The following PTH1R variants were observed in gnomAD, a reference collection of about 807,000 sequenced individuals.
PTH1R encodes parathyroid hormone 1 receptor, also known as parathyroid hormone/parathyroid hormone-related peptide receptor.
PTH1R carries 32 observed loss-of-function variants against 70.7 expected under a neutral mutation model. The ratio of observed to expected loss-of-function variants is 0.45; its 90% CI spans 0.34 to 0.61. PTH1R has a LOEUF of 0.61. Among genes scored for constraint, PTH1R ranks in the 20% least tolerant of loss-of-function variants. PTH1R has a pLI of 0.01. For missense variants in PTH1R, 626 were observed against 792.5 expected (o/e 0.79, Z 2.52); for synonymous variants, 329 against 324.8 (o/e 1.01, Z -0.14).
rs1379381313 is a variant in PTH1R, at chr3:46,884,544, T to G, written c.75+910T>G. Among the ~76,000 whole-genome samples the G allele has an allele frequency of 6.6e-6, 1 of 152,162 alleles. No individual in the cohort carries two copies. Among genetic ancestry groups the G allele is most frequent in the African/African-American group, 2.4e-5 (1 of 41,430 alleles). On this transcript the variant is annotated intron_variant, in intron 3 of 15. Transcript: ENST00000449590. This position sits in a 1 kb window ranked among gnomAD's most constrained non-coding sequence, Gnocchi z 4.8. Reference sequence around the variant, plus strand: ...GGCTGTCCCAGCCCCTCAGTCCTATTCCACAGCAACCCCATCCCCTGGGAC... The same window carrying G: ...GGCTGTCCCAGCCCCTCAGTCCTATGCCACAGCAACCCCATCCCCTGGGAC...
intron 3 of PTH1R, among the ~76,000 whole-genome samples, chr3:46,885,689 C>T (rs895341120): frequency 6.6e-6 from 1 of 152,208 alleles, no homozygotes; most frequent in Non-Finnish European, 1.5e-5. Context: ...GTTCACTGGA[C>T]ACTCCCTGGC....
chr3:46,894,781 CA>C (rs1183492694), intron 4 of PTH1R, among the ~76,000 whole-genome samples: 4 of 152,134 alleles, frequency 2.6e-5, no homozygotes, highest in Admixed American at 2.6e-4. Flanking sequence ...ATGTAAGGAC[CA>C]GGGGGGCCTA....
Position 46,879,451 on chromosome 3 carries a change from C to T in PTH1R, c.-106+1608C>T, listed in dbSNP as rs1359359393. Among the ~76,000 whole-genome samples the T allele has an allele frequency of 1.3e-5, 2 of 152,146 alleles. No homozygotes were observed. Among genetic ancestry groups the T allele is most frequent in the Non-Finnish European group, 2.9e-5 (2 of 68,042 alleles). ...CATAAAACTTAGAGACACTTAGAAA[C>T]AGAGGCATAGGCCAGGTGCGGTGGT... On this transcript the variant is annotated intron_variant, in intron 1 of 15. Coordinates refer to ENST00000449590, the MANE Select transcript of PTH1R (RefSeq NM_000316.3). This position sits in a 1 kb window ranked among gnomAD's most constrained non-coding sequence, Gnocchi z 4.7.
rs757582347 is a variant in PTH1R, at chr3:46,902,486, G to C, written c.1212-40G>C. The C allele has an allele frequency of 3.1e-6, 5 of 1,604,626 alleles. No homozygotes were observed. Among genetic ancestry groups the C allele is most frequent in the Non-Finnish European group, 4.2e-6 (5 of 1,176,614 alleles). ...GGGTGGCACAATGCTTGTTGAAGGG[G>C]AAGTGGCTTGGCCCTGACCTACCTG... is the stretch of plus-strand genomic sequence containing the variant. On this transcript the variant is annotated intron_variant, in intron 13 of 15. Transcript: ENST00000449590. The surrounding 1 kb of genome is among the most constrained non-coding windows in gnomAD (Gnocchi z 5.4).
chr3:46,897,724 T>TC (rs2031833987), intron 5 of PTH1R, 131 bp from the exon 6 acceptor site: 1 of 863,996 alleles, frequency 1.2e-6, no homozygotes, highest in African/African-American at 1.7e-5. Flanking sequence ...AAAGCGAAAC[T>TC]CCGTCTCAAA....
chr3:46,898,467 C>T lies in PTH1R; in HGVS notation c.633C>T (p.Tyr211=). ...SLTVAVLILA[Y]FRRLHCTRNY... The stretch of plus-strand genomic sequence containing the variant: ...CCGTAGCTGTGCTCATCCTGGCCTA[C>T]TTTAGGTGGGCGGGGCGGGGCGAGA... Residue 211 remains tyrosine, a synonymous_variant, in exon 8 of 16, where the codon TAC becomes TAT. Coordinates refer to ENST00000449590, the MANE Select transcript of PTH1R (RefSeq NM_000316.3). 1.2e-6 allele frequency: 2 copies of T among 1,613,922 alleles called. No homozygotes were observed. Among genetic ancestry groups the T allele is most frequent in the East Asian group, 2.2e-5 (1 of 44,864 alleles).
chr3:46,899,529 G>A (rs1038238449), intron 10 of PTH1R, 73 bp downstream of exon 10: 8 of 1,549,168 alleles, frequency 5.2e-6, no homozygotes, highest in African/African-American at 2.7e-5. Flanking sequence ...GGCAGCCCCT[G>A]GGGGGAGGCG....
In PTH1R at chr3:46,895,833, G is replaced by A. The variant is rs2031718174; in HGVS notation, c.277G>A (p.Glu93Lys). ...ASGKLYPESEEDKEAPTGSRY... is the reference protein window; with the variant it reads ...ASGKLYPESEKDKEAPTGSRY... ...TGGGAAGCTCTACCCTGAGTCTGAG[G>A]AGGACAAGGAGGCACCCACTGGCAG... is the stretch of plus-strand genomic sequence containing the variant. Residue 93 changes from glutamate to lysine, a missense_variant, in exon 5 of 16, where the codon GAG becomes AAG. Coordinates refer to ENST00000449590, the MANE Select transcript of PTH1R (RefSeq NM_000316.3). The A allele has an allele frequency of 6.2e-7, 1 of 1,613,746 alleles. No individual in the cohort carries two copies. Among genetic ancestry groups the A allele is most frequent in the African/African-American group, 1.3e-5 (1 of 74,914 alleles).
At chr3:46,886,649 G>A (rs970936624) in intron 3 of PTH1R, among the ~76,000 whole-genome samples, 2 of 152,110 alleles carry the variant, frequency 1.3e-5, no homozygotes, top group Non-Finnish European at 2.9e-5. Flanking sequence ...GAGCCACCAC[G>A]CCCGGCCGGT....
At chr3:46,895,256 G>A (rs2031683177) in intron 4 of PTH1R, among the ~76,000 whole-genome samples, 1 of 152,110 alleles carries the variant, frequency 6.6e-6, no homozygotes, top group African/African-American at 2.4e-5. Context: ...GTACCACCTT[G>A]CTCTTGTCTT....
chr3:46,886,976 GCTCACA>G (rs1257668272), intron 3 of PTH1R, among the ~76,000 whole-genome samples: 1 of 152,048 alleles, frequency 6.6e-6, no homozygotes. Flanking sequence ...GAGTGCAGTG[GCTCACA>G]CCTGTAATCC....
chr3:46,894,621 A>G (rs1250071838), intron 4 of PTH1R, among the ~76,000 whole-genome samples: 2 of 151,908 alleles, frequency 1.3e-5, no homozygotes, highest in Non-Finnish European at 2.9e-5. Flanking sequence ...ATCATCCACC[A>G]TGGAGCCTCT....
chr3:46,881,383 C>G (rs2030549412), intron 2 of PTH1R, among the ~76,000 whole-genome samples: 1 of 152,226 alleles, frequency 6.6e-6, no homozygotes, highest in Non-Finnish European at 1.5e-5. Flanking sequence ...CCTTGCCTTC[C>G]CCTAAGTCGA....
At chr3:46,888,661 T>G (rs1575512271) in intron 3 of PTH1R, among the ~76,000 whole-genome samples, 1 of 152,236 alleles carries the variant, frequency 6.6e-6, no homozygotes, top group Admixed American at 6.5e-5. Flanking sequence ...GCCCCAACTC[T>G]GGGGCCAGTC....
rs1427373057 is a variant in PTH1R at position 46,883,144 on chromosome 3, AAAAAAAAG to A, written c.-48-364_-48-357del. 2.1e-5 allele frequency among the ~76,000 whole-genome samples: 2 copies of A among 93,064 alleles called. No homozygotes were observed. Among genetic ancestry groups the A allele is most frequent in the African/African-American group, 7.7e-5 (2 of 26,092 alleles). 61.1% of individuals were successfully genotyped at this position (93,064 alleles called of 152,430 possible). Reference sequence around the variant, plus strand: ...CCACAGCTCCCATTTCCCCAAAAGAAAAAAAAAGAAAGAAAGAAAGAAAGAAAGAAAGA... The same window carrying A: ...CCACAGCTCCCATTTCCCCAAAAGAAAAAGAAAGAAAGAAAGAAAGAAAGA... On this transcript the variant is annotated intron_variant, in intron 2 of 15. Transcript: ENST00000449590. This position sits in a 1 kb window ranked among gnomAD's most constrained non-coding sequence, Gnocchi z 6.4.
intron 3 of PTH1R, among the ~76,000 whole-genome samples, chr3:46,886,559 G>A (rs1005941250): frequency 1.1e-4 from 17 of 152,170 alleles, no homozygotes; most frequent in Admixed American, 3.9e-4. Flanking sequence ...GAGTTTCACC[G>A]TGTTAGCCAG....
In PTH1R at chr3:46,892,602, A is replaced by G. The variant is rs1265299168; in HGVS notation, c.76-1305A>G. 2 of 350,182 alleles carry G rather than the reference A, an allele frequency of 5.7e-6. No homozygotes were observed. The highest frequency in any genetic ancestry group is 1.2e-4 in the South Asian group (1 of 8,686). The allele number at this position is 350,182 out of a possible 1,614,324, so 21.7% of individuals were successfully genotyped here. On this transcript the variant is annotated intron_variant, in intron 3 of 15. Transcript: ENST00000449590. The surrounding 1 kb of genome is among the most constrained non-coding windows in gnomAD (Gnocchi z 5.2). ...CTGCTGCCGCCAAGAGACGCGGTCAATTAACTTCTCCCTGCAGCCAGGCTC... is the reference window on the plus strand; with the variant it reads ...CTGCTGCCGCCAAGAGACGCGGTCAGTTAACTTCTCCCTGCAGCCAGGCTC...
In PTH1R at chr3:46,903,514, C is replaced by T; in HGVS notation, c.1640C>T (p.Thr547Ile). ...AAGCCAGGGACCCCAGCCCTGGAGACCCTCGAGACCACACCACCTGCCATG... is the reference window on the plus strand; with the variant it reads ...AAGCCAGGGACCCCAGCCCTGGAGATCCTCGAGACCACACCACCTGCCATG... The part of the protein sequence containing the change: ...HAKPGTPALE[T>I]LETTPPAMAA... The change falls in exon 16 of 16, where the codon ACC becomes ATC. Residue 547 changes from threonine (T) to isoleucine (I), a missense_variant. Thr to Ile is a moderately conservative substitution (Grantham distance 89). Coordinates refer to ENST00000449590, the MANE Select transcript of PTH1R (RefSeq NM_000316.3). The surrounding 1 kb of genome is among the most constrained non-coding windows in gnomAD (Gnocchi z 4.4). 6.2e-7 allele frequency: 1 copy of T among 1,613,962 alleles called. No individual in the cohort carries two copies. Among genetic ancestry groups the T allele is most frequent in the South Asian group, 1.1e-5 (1 of 91,084 alleles).
chr3:46,878,785 C>T (rs1249301024), intron 1 of PTH1R, among the ~76,000 whole-genome samples: 2 of 152,148 alleles, frequency 1.3e-5, no homozygotes, highest in African/African-American at 4.8e-5. Context: ...GGGGCTGCCA[C>T]ACCAGCAGGG....
Sources: gnomAD v4.1 joint callset for allele counts (sites outside exome capture counted in the v4.1 genomes callset) on GRCh38, gnomAD v4.1.1 for gene constraint, Gnocchi (gnomAD v3.1) non-coding constraint, MANE v1.5 for transcripts, NCBI Gene and HGNC (gene_info 2026-07-23, HGNC 2026-07-21) for gene names.